The following SOS1 variants were observed in gnomAD, a reference collection of about 807,000 sequenced individuals.
The protein encoded by SOS1 is son of sevenless homolog 1.
In SOS1, 25 loss-of-function variants were observed where a neutral mutation model predicts 157.6. That is an observed-to-expected ratio of 0.16 (90% confidence interval 0.12 to 0.22). The LOEUF is 0.22. SOS1 is among the 10% of genes least tolerant of loss of function. The probability of loss-of-function intolerance (pLI) is 1.00; values close to 1 mark genes in which losing one functional copy is unlikely to be tolerated. For synonymous variants in SOS1, 528 were observed against 534.0 expected (o/e 0.99, Z 0.16); for missense variants, 1,237 against 1,599.1 (o/e 0.77, Z 3.86).
intron 8 of SOS1, among the ~76,000 whole-genome samples, chr2:39,024,787 G>A (rs1442864555): frequency 6.6e-6 from 1 of 152,140 alleles, no homozygotes; most frequent in Non-Finnish European, 1.5e-5. Flanking sequence ...AACACACAAT[G>A]TAAGTGTAAA....
At chr2:39,119,338 G>A (rs974926618) in intron 1 of SOS1, among the ~76,000 whole-genome samples, 1 of 152,196 alleles carries the variant, frequency 6.6e-6, no homozygotes, top group Non-Finnish European at 1.5e-5. Context: ...CAGCAAGAGG[G>A]ACCGGAGGAG....
intron 20 of SOS1, 143 bp downstream of exon 20, chr2:38,994,980 T>C (rs2124474716): frequency 1.5e-6 from 1 of 663,896 alleles, no homozygotes; most frequent in Non-Finnish European, 2.5e-6. Flanking sequence ...ATTTGTCTTA[T>C]ATTTTTATAA....
intron 1 of SOS1, among the ~76,000 whole-genome samples, chr2:39,070,436 T>C (rs549608546): frequency 6.6e-6 from 1 of 152,276 alleles, no homozygotes; most frequent in East Asian, 1.9e-4. Flanking sequence ...GAGTTCCATA[T>C]CTTCCTCCAT....
chr2:39,115,574 C>T (rs1378904423), intron 1 of SOS1, among the ~76,000 whole-genome samples: 1 of 151,938 alleles, frequency 6.6e-6, no homozygotes, highest in Non-Finnish European at 1.5e-5. Context: ...GCCACCACAC[C>T]TGGCTAATTT....
intron 1 of SOS1, among the ~76,000 whole-genome samples, chr2:39,102,230 A>AAAAAAAG (rs1553370166): frequency 7.0e-6 from 1 of 142,860 alleles, no homozygotes; most frequent in African/African-American, 2.7e-5. Context: ...AAAAAAAAAA[A>AAAAAAAG]GTGCCACTTT....
intron 6 of SOS1, 70 bp from the exon 7 acceptor site, chr2:39,035,570 C>G: frequency 9.2e-7 from 1 of 1,091,602 alleles, no homozygotes; most frequent in Admixed American, 1.8e-5. Flanking sequence ...AATTATGGGG[C>G]ACGACTATGC....
chr2:39,107,518 TCTCC>T (rs1673243710), intron 1 of SOS1, among the ~76,000 whole-genome samples: 2 of 152,070 alleles, frequency 1.3e-5, no homozygotes, highest in South Asian at 4.1e-4. Context: ...GTCTGACAAC[TCTCC>T]CTGTCTCCTT....
chr2:39,040,452 A>G (rs1359845283), intron 6 of SOS1, among the ~76,000 whole-genome samples: 2 of 152,104 alleles, frequency 1.3e-5, no homozygotes, highest in Non-Finnish European at 2.9e-5. Context: ...ATCATCCCAA[A>G]CTGAAACTCT....
chr2:39,042,586 G>A (rs1041694319), intron 6 of SOS1, among the ~76,000 whole-genome samples: 12 of 151,698 alleles, frequency 7.9e-5, no homozygotes, highest in Non-Finnish European at 1.2e-4. Context: ...TGTACTTTTA[G>A]TAGAGATGGG....
At position 39,054,750 on chromosome 2, in the gene SOS1, G is replaced by A. The variant is rs1202550799; in HGVS notation, c.584C>T (p.Thr195Ile). The A allele has an allele frequency of 3.1e-6, 5 of 1,593,774 alleles. No individual in the cohort carries two copies. In the South Asian group the frequency reaches 3.3e-5, roughly 11 times the overall value. The change falls in exon 5 of 23, where the codon ACC becomes ATC. Residue 195 changes from threonine to isoleucine, a missense_variant. Transcript: ENST00000402219. Reference sequence around the variant, plus strand: ...ATCATAGTAAGTTTGTTCTCCTGAGGTGGAAGGCTCTTCGTCAGTTAAAGA... The same window carrying A: ...ATCATAGTAAGTTTGTTCTCCTGAGATGGAAGGCTCTTCGTCAGTTAAAGA... ...ILSLTDEEPS[T>I]SGEQTYYDLV...
At chr2:39,119,011 G>T (rs1334507834) in intron 1 of SOS1, among the ~76,000 whole-genome samples, 1 of 152,104 alleles carries the variant, frequency 6.6e-6, no homozygotes, top group Admixed American at 6.5e-5. Context: ...TCCTTTACAC[G>T]TTTTTAAACA....
At chr2:39,000,275 C>G (rs1436577763) in intron 17 of SOS1, among the ~76,000 whole-genome samples, 2 of 152,200 alleles carry the variant, frequency 1.3e-5, no homozygotes, top group Non-Finnish European at 2.9e-5. Flanking sequence ...GGTGTCCAAA[C>G]TTTGATCTTA....
chr2:39,051,339 A>T (rs1441856200), intron 5 of SOS1, 52 bp from the exon 6 acceptor site: 2 of 1,521,956 alleles, frequency 1.3e-6, no homozygotes, highest in Non-Finnish European at 1.8e-6. Flanking sequence ...TTATAATATT[A>T]AACAAATTTT....
chr2:39,036,485 G>A (rs938611016), intron 6 of SOS1, among the ~76,000 whole-genome samples: 3 of 152,040 alleles, frequency 2.0e-5, no homozygotes, highest in Admixed American at 2.0e-4. Context: ...TGAGTATCTG[G>A]GACCACAGGC....
At chr2:39,099,852 C>T (rs1033206416) in intron 1 of SOS1, among the ~76,000 whole-genome samples, 43 of 152,112 alleles carry the variant, frequency 2.8e-4, no homozygotes, top group Non-Finnish European at 2.9e-4. Flanking sequence ...GATGCTCCTG[C>T]CTCAGCCTCT....
intron 1 of SOS1, among the ~76,000 whole-genome samples, chr2:39,080,024 G>A (rs1357415288): frequency 1.3e-5 from 2 of 151,944 alleles, no homozygotes; most frequent in Non-Finnish European, 2.9e-5. Context: ...GACTCGGGTG[G>A]GGAGGATGGT....
intron 6 of SOS1, among the ~76,000 whole-genome samples, chr2:39,044,862 G>GTGCA (rs1553360058): frequency 2.4e-4 from 8 of 33,130 alleles, no homozygotes; most frequent in African/African-American, 5.3e-4. Flanking sequence ...GCGCGCGCGC[G>GTGCA]CGCACACACA....
chr2:39,044,866 A>ACACG, intron 6 of SOS1, among the ~76,000 whole-genome samples: 1 of 48,932 alleles, frequency 2.0e-5, no homozygotes, highest in Middle Eastern at 0.013. Context: ...GCGCGCGCGC[A>ACACG]CACACACACA....
At chr2:39,072,572 C>T (rs1025661012) in intron 1 of SOS1, among the ~76,000 whole-genome samples, 1 of 152,074 alleles carries the variant, frequency 6.6e-6, no homozygotes, top group Admixed American at 6.6e-5. Context: ...AAGACAACAA[C>T]GTGATACTGC....
Sources: allele counts gnomAD v4.1 joint callset (sites outside exome capture counted in the v4.1 genomes callset), GRCh38; gene constraint gnomAD v4.1.1; transcripts MANE v1.5; gene names NCBI Gene and HGNC (gene_info 2026-07-23, HGNC 2026-07-21).